LTF: variants seen among roughly 807,000 people sequenced by gnomAD.
LTF encodes lactotransferrin.
Under a neutral mutation model 87.2 loss-of-function variants are expected in LTF, and 91 were observed. That is an observed-to-expected ratio of 1.04 (90% CI 0.88 to 1.24). The LOEUF is 1.24. Ranked by LOEUF, LTF falls within the 50% of genes most tolerant of loss-of-function variation. The probability of loss-of-function intolerance (pLI) is 0.00; values close to 1 mark genes in which losing one functional copy is unlikely to be tolerated. For synonymous variants in LTF, 378 were observed against 356.1 expected (o/e 1.06, Z -0.69); for missense variants, 901 against 904.3 (o/e 1.00, Z 0.05).
rs750781678 is a variant in LTF, at chr3:46,438,079, G to A, written c.1959C>T (p.Phe653=). ...GSDCPDKFCL[F]QSETKNLLFN... is the part of the protein sequence containing the mutation. The stretch of plus-strand genomic sequence containing the variant: ...ACAGAAGGTTTTTGGTTTCAGACTG[G>A]AATAAGCAAAACTTGTCCGGGCAGT... The change falls in exon 16 of 17, where the codon TTC becomes TTT. Residue 653 remains phenylalanine, a synonymous_variant. Coordinates refer to ENST00000231751, the MANE Select transcript of LTF (RefSeq NM_002343.6). 1 of 1,613,908 alleles carries A rather than the reference G, an allele frequency of 6.2e-7. No individual in the cohort carries two copies. Among genetic ancestry groups the A allele is most frequent in the South Asian group, 1.1e-5 (1 of 91,048 alleles).
intron 12 of LTF, among the ~76,000 whole-genome samples, chr3:46,445,007 T>G (rs1415004883): frequency 1.3e-5 from 2 of 152,248 alleles, no homozygotes; most frequent in African/African-American, 4.8e-5. Flanking sequence ...ATCTTGGAAC[T>G]TGCATTTATT....
intron 10 of LTF, 105 bp from the exon 11 acceptor site, chr3:46,446,598 C>A: frequency 1.1e-6 from 1 of 919,274 alleles, no homozygotes; most frequent in Non-Finnish European, 1.7e-6. Flanking sequence ...AAGAGACCGT[C>A]CCAGCAGTTC....
chr3:46,468,866 C>T (rs554199669), upstream of LTF, among the ~76,000 whole-genome samples: 1 of 152,330 alleles, frequency 6.6e-6, no homozygotes, highest in Admixed American at 6.5e-5. Context: ...TGATATCAGG[C>T]ATAGTCGATG....
chr3:46,462,915 G>A (rs942858535), intron 1 of LTF, among the ~76,000 whole-genome samples: 11 of 152,022 alleles, frequency 7.2e-5, no homozygotes, highest in African/African-American at 1.7e-4. Context: ...GAGCAATGAC[G>A]GGAACCTGTG....
At chr3:46,482,930 C>T (rs1159278714) in intron 1 of LTF, among the ~76,000 whole-genome samples, 1 of 152,170 alleles carries the variant, frequency 6.6e-6, no homozygotes, top group Admixed American at 6.5e-5. Flanking sequence ...TTCTCTATCA[C>T]TTTCTTAAGT....
intron 1 of LTF, among the ~76,000 whole-genome samples, chr3:46,478,135 T>C (rs1366511473): frequency 6.6e-6 from 1 of 152,156 alleles, no homozygotes; most frequent in Non-Finnish European, 1.5e-5. Flanking sequence ...CCTCTCTCTT[T>C]TATGACGTCC....
At chr3:46,441,371 C>T (rs759060525) in intron 14 of LTF, 45 bp downstream of exon 14, 3 of 1,503,826 alleles carry the variant, frequency 2.0e-6, no homozygotes, top group Non-Finnish European at 2.8e-6. Flanking sequence ...TGTTGTGATG[C>T]CAAAGACTCT....
intron 1 of LTF, among the ~76,000 whole-genome samples, chr3:46,471,716 G>A (rs895982788): frequency 1.3e-5 from 2 of 152,334 alleles, no homozygotes; most frequent in East Asian, 3.9e-4. Context: ...AGAGGCTGAA[G>A]AGGAGATTTC....
rs1001244924 is a variant in LTF at position 46,479,391 on chromosome 3, G to A, written c.-320+5595C>T. Among the ~76,000 whole-genome samples the A allele has an allele frequency of 2.0e-5, 3 of 152,356 alleles. No homozygotes were observed. The East Asian group carries it at 5.8e-4, about 29-fold the overall frequency. On this transcript the variant is annotated intron_variant, in intron 1 of 19. Coordinates refer to the LTF transcript ENST00000443496. ...AGAAGACCATCTGCTTTTACTCTGA[G>A]GATGTAGGAGCCAAGGCAGAAGGCT...
chr3:46,484,949 G>C (rs1008033607), intron 1 of LTF: 1 of 152,304 alleles, frequency 6.6e-6, no homozygotes, highest in African/African-American at 2.4e-5. Context: ...GCTGCTCTCG[G>C]AGCAGAGCCA....
chr3:46,438,716 G>A (rs944829145), intron 15 of LTF, among the ~76,000 whole-genome samples: 5 of 152,228 alleles, frequency 3.3e-5, no homozygotes, highest in Non-Finnish European at 5.9e-5. Context: ...ATGGTGGCCA[G>A]TCTTGTTATT....
intron 1 of LTF, among the ~76,000 whole-genome samples, chr3:46,482,644 G>GAA (rs1559614767): frequency 1.0e-5 from 1 of 96,442 alleles, no homozygotes; most frequent in Admixed American, 1.2e-4. Flanking sequence ...AAGAAAGAAA[G>GAA]AAAGAAAGAA....
intron 4 of LTF, 32 bp downstream of exon 4, chr3:46,455,764 T>C: frequency 6.5e-7 from 1 of 1,536,910 alleles, no homozygotes; most frequent in Non-Finnish European, 8.8e-7. Flanking sequence ...GCCCCCTGCC[T>C]GAGGCCACTC....
intron 9 of LTF, among the ~76,000 whole-genome samples, chr3:46,448,368 T>TAAA (rs10653871): frequency 1.2e-3 from 178 of 148,994 alleles, no homozygotes; most frequent in African/African-American, 3.7e-3. Context: ...ATCTGTCTCT[T>TAAA]AAAAAAAAAA....
At chr3:46,483,486 A>G (rs1184310650) in intron 1 of LTF, among the ~76,000 whole-genome samples, 2 of 152,220 alleles carry the variant, frequency 1.3e-5, no homozygotes, top group Non-Finnish European at 2.9e-5. Context: ...TGAATCTCAC[A>G]TGCATAGTAT....
chr3:46,436,113 G>A lies in LTF; in HGVS notation c.*82C>T, dbSNP rs1340779971. The A allele has an allele frequency of 7.3e-6, 10 of 1,363,152 alleles. No individual in the cohort carries two copies. The highest frequency in any genetic ancestry group is 1.1e-5 in the Non-Finnish European group (10 of 952,316). 84.4% of individuals were successfully genotyped at this position (1,363,152 alleles called of 1,614,324 possible). On this transcript the variant is annotated 3_prime_UTR_variant, in exon 17 of 17. Coordinates refer to ENST00000231751, the MANE Select transcript of LTF (RefSeq NM_002343.6). ...CCCCACCTTCAGCAGGGGAGGCCAA[G>A]GCCCCAACACACCTGGGGAGAAGAG...
At chr3:46,482,561 A>AGAAAGAG (rs1559614583) in intron 1 of LTF, among the ~76,000 whole-genome samples, 2 of 124,504 alleles carry the variant, frequency 1.6e-5, no homozygotes, top group Non-Finnish European at 3.4e-5. Context: ...AAGGGAAGGG[A>AGAAAGAG]AGGGAAGGGA....
At chr3:46,470,496 A>AGG (rs1478510398) in intron 1 of LTF, 7 of 152,252 alleles carry the variant, frequency 4.6e-5, no homozygotes, top group African/African-American at 1.7e-4. Flanking sequence ...TGGATCCTTC[A>AGG]CTCAGTAGGA....
chr3:46,463,040 C>T (rs187027365), intron 1 of LTF, among the ~76,000 whole-genome samples: 7 of 152,220 alleles, frequency 4.6e-5, no homozygotes, highest in South Asian at 4.1e-4. Context: ...GAAGTCTCCA[C>T]GCTCTTACCT....
Sources: allele counts gnomAD v4.1 joint callset (sites outside exome capture counted in the v4.1 genomes callset), GRCh38; gene constraint gnomAD v4.1.1; transcripts MANE v1.5; gene names NCBI Gene and HGNC (gene_info 2026-07-23, HGNC 2026-07-21).